ERBB4: variants seen among roughly 807,000 people sequenced by gnomAD.
ERBB4 encodes the protein receptor tyrosine-protein kinase erbB-4.
In ERBB4, 42 loss-of-function variants were observed where a neutral mutation model predicts 158.0. That is an observed-to-expected ratio of 0.27 (90% CI 0.21 to 0.34). ERBB4 has a LOEUF of 0.34. ERBB4 is among the 10% of genes least tolerant of loss of function. ERBB4 has a pLI of 1.00. For synonymous variants in ERBB4, 583 were observed against 558.7 expected, an observed-to-expected ratio of 1.04 and a Z score of -0.61; for missense variants, 1,333 against 1,624.1, an observed-to-expected ratio of 0.82 and a Z score of 3.08.
At chr2:212,457,318 CTTCCTACATGAATGTTTGCTGGTTTAATT>C (rs920846645) in intron 1 of ERBB4, among the ~76,000 whole-genome samples, 4 of 151,900 alleles carry the variant, frequency 2.6e-5, no homozygotes, top group African/African-American at 9.7e-5. Context: ...TGTTCTCTTC[CTTCCTACATGAATGTTTGCTGGTTTAATT>C]TTCTTTATCC....
rs1236770285 is a variant in ERBB4, at chr2:212,430,436, GT to G, written c.82+108012del. 5.8e-4 allele frequency among the ~76,000 whole-genome samples: 80 copies of G among 138,610 alleles called. 1 individual carries two copies. Among genetic ancestry groups the G allele is most frequent in the Middle Eastern group, 3.6e-3 (1 of 278 alleles). The allele number at this position is 138,610 out of a possible 152,430, so 90.9% of individuals were successfully genotyped here. On this transcript the variant is annotated intron_variant, in intron 1 of 27. Transcript: ENST00000342788. ...CAGGTTGCAATTACTTCGCATGTTGGTTTTTTTTTTTTTCTTTTCTTTTAAA... is the reference window on the plus strand; with the variant it reads ...CAGGTTGCAATTACTTCGCATGTTGGTTTTTTTTTTTTCTTTTCTTTTAAA...
intron 21 of ERBB4, among the ~76,000 whole-genome samples, chr2:211,428,740 CAG>C (rs962626117): frequency 6.6e-6 from 1 of 151,950 alleles, no homozygotes; most frequent in African/African-American, 2.4e-5. Flanking sequence ...TTTTTTGAGA[CAG>C]GGTCTCACTC....
intron 1 of ERBB4, among the ~76,000 whole-genome samples, chr2:212,187,361 C>T (rs991326434): frequency 4.6e-5 from 7 of 151,556 alleles, no homozygotes; most frequent in Non-Finnish European, 1.0e-4. Context: ...CAGCATGGCA[C>T]ACGTATGTAT....
intron 2 of ERBB4, among the ~76,000 whole-genome samples, chr2:212,030,309 C>A (rs537064438): frequency 1.2e-3 from 187 of 152,174 alleles, no homozygotes; most frequent in Non-Finnish European, 2.2e-3. Context: ...GTCTAACTAG[C>A]TGGATGCCTT....
intron 2 of ERBB4, among the ~76,000 whole-genome samples, chr2:212,024,926 T>C (rs889325377): frequency 6.6e-6 from 1 of 151,870 alleles, no homozygotes; most frequent in Non-Finnish European, 1.5e-5. Flanking sequence ...TTCCTTGATG[T>C]GTGATATTCA....
intron 5 of ERBB4, among the ~76,000 whole-genome samples, chr2:211,726,677 C>T (rs2074279257): frequency 6.6e-6 from 1 of 152,172 alleles, no homozygotes; most frequent in South Asian, 2.1e-4. Flanking sequence ...TAAATGATTA[C>T]ATAGTGTTCT....
chr2:211,463,619 T>G (rs1439860582), intron 20 of ERBB4, among the ~76,000 whole-genome samples: 1 of 152,114 alleles, frequency 6.6e-6, no homozygotes, highest in Non-Finnish European at 1.5e-5. Flanking sequence ...CTGGGAGCAA[T>G]TTAAAATGCA....
At chr2:211,722,743 CA>C (rs1262813390) in intron 6 of ERBB4, among the ~76,000 whole-genome samples, 1 of 152,190 alleles carries the variant, frequency 6.6e-6, no homozygotes, top group Non-Finnish European at 1.5e-5. Flanking sequence ...TACTGATGCT[CA>C]AAGTGCTTAG....
At chr2:211,554,343 CA>C (rs1424233581) in intron 20 of ERBB4, among the ~76,000 whole-genome samples, 1 of 152,186 alleles carries the variant, frequency 6.6e-6, no homozygotes, top group African/African-American at 2.4e-5. Context: ...AAAGATTTAA[CA>C]ACACAATGTA....
At chr2:211,717,582 C>T (rs1294790558) in intron 7 of ERBB4, among the ~76,000 whole-genome samples, 1 of 152,152 alleles carries the variant, frequency 6.6e-6, no homozygotes, top group Non-Finnish European at 1.5e-5. Context: ...GTAATCCCAG[C>T]ACTTTGGGAG....
At position 212,319,390 on chromosome 2, in the gene ERBB4, T is replaced by C. The variant is rs935327809; in HGVS notation, c.83-194487A>G. On this transcript the variant is annotated intron_variant, in intron 1 of 27. Transcript: ENST00000342788. Reference sequence around the variant, plus strand: ...TGTTTGTTGTTTTTTATGATTGCTGTTGTTATTTTTGTGTTTGTTTATCTT... The same window carrying C: ...TGTTTGTTGTTTTTTATGATTGCTGCTGTTATTTTTGTGTTTGTTTATCTT... Among the ~76,000 whole-genome samples, 3 of 150,374 alleles carry C rather than the reference T, an allele frequency of 2.0e-5. No individual in the cohort carries two copies. The East Asian group carries it at 5.9e-4, about 29-fold the overall frequency.
At chr2:212,393,271 T>C (rs1412488366) in intron 1 of ERBB4, among the ~76,000 whole-genome samples, 1 of 152,028 alleles carries the variant, frequency 6.6e-6, no homozygotes, top group Non-Finnish European at 1.5e-5. Flanking sequence ...CCTATTTCAA[T>C]AGGGAAGAAT....
At chr2:212,072,460 C>G (rs1054852336) in intron 2 of ERBB4, among the ~76,000 whole-genome samples, 1 of 151,942 alleles carries the variant, frequency 6.6e-6, no homozygotes, top group East Asian at 1.9e-4. Flanking sequence ...CTCTCTCTGA[C>G]AGCTCCACCT....
At chr2:211,530,960 A>C (rs2125661566) in intron 20 of ERBB4, among the ~76,000 whole-genome samples, 1 of 152,232 alleles carries the variant, frequency 6.6e-6, no homozygotes, top group South Asian at 2.1e-4. Flanking sequence ...TCACATAAAA[A>C]CAAACATGTA....
chr2:212,349,465 T>G (rs35344361), intron 1 of ERBB4, among the ~76,000 whole-genome samples: 80,098 of 151,622 alleles, frequency 0.53, 21,674 homozygotes, highest in East Asian at 0.79. Context: ...TAGGAATACA[T>G]TTGGCTAAAA....
intron 19 of ERBB4, among the ~76,000 whole-genome samples, chr2:211,594,586 G>A (rs73078708): frequency 0.12 from 18,353 of 152,024 alleles, 3,713 homozygotes; most frequent in African/African-American, 0.42. Flanking sequence ...AATACTGATA[G>A]ATTAGTGTAA....
At chr2:211,497,608 C>T (rs1384916695) in intron 20 of ERBB4, among the ~76,000 whole-genome samples, 1 of 151,984 alleles carries the variant, frequency 6.6e-6, no homozygotes, top group African/African-American at 2.4e-5. Flanking sequence ...CAGTACCACA[C>T]AAAGGAAACA....
intron 20 of ERBB4, among the ~76,000 whole-genome samples, chr2:211,445,063 T>G (rs893128036): frequency 1.3e-5 from 2 of 152,068 alleles, no homozygotes; most frequent in African/African-American, 4.8e-5. Flanking sequence ...AATGACAACT[T>G]CTTTGAGGAT....
intron 20 of ERBB4, among the ~76,000 whole-genome samples, chr2:211,444,789 C>T (rs1442495133): frequency 1.3e-5 from 2 of 151,986 alleles, no homozygotes; most frequent in Admixed American, 6.6e-5. Context: ...TATGTTATTT[C>T]CTTCAAGCTG....
Sources: gnomAD v4.1 joint callset for allele counts (sites outside exome capture counted in the v4.1 genomes callset) on GRCh38, gnomAD v4.1.1 for gene constraint, MANE v1.5 for transcripts, NCBI Gene and HGNC (gene_info 2026-07-23, HGNC 2026-07-21) for gene names.